RARB: variants seen among roughly 807,000 people sequenced by gnomAD.
RARB encodes HBV-activated protein.
In RARB, 17 loss-of-function variants were observed where a neutral mutation model predicts 51.9. The observed-to-expected ratio is 0.33, with a 90% CI of 0.22 to 0.49. The LOEUF is 0.49. Among genes scored for constraint, RARB ranks in the 20% least tolerant of loss-of-function variants. The probability of loss-of-function intolerance (pLI) is 0.99; values close to 1 mark genes in which losing one functional copy is unlikely to be tolerated. For missense variants in RARB, 369 were observed against 550.8 expected, an observed-to-expected ratio of 0.67 and a Z score of 3.30; for synonymous variants, 215 against 195.4, an observed-to-expected ratio of 1.10 and a Z score of -0.84.
intron 2 of RARB, among the ~76,000 whole-genome samples, chr3:25,496,971 G>A (rs944317400): frequency 3.9e-5 from 6 of 152,292 alleles, no homozygotes; most frequent in Admixed American, 3.9e-4. Flanking sequence ...TGCAACCTCT[G>A]CCTCCCGGGT....
chr3:25,200,903 T>C (rs965409198), intron 5 of RARB, among the ~76,000 whole-genome samples: 1 of 152,216 alleles, frequency 6.6e-6, no homozygotes, highest in African/African-American at 2.4e-5. Flanking sequence ...TCTTTTGGCT[T>C]AGGATTGACT....
At chr3:25,375,413 T>C (rs970390483) in intron 5 of RARB, among the ~76,000 whole-genome samples, 4 of 152,228 alleles carry the variant, frequency 2.6e-5, no homozygotes, top group African/African-American at 9.6e-5. Flanking sequence ...GCTACTGTTG[T>C]GTTAATATCA....
intron 5 of RARB, among the ~76,000 whole-genome samples, chr3:25,313,838 G>A (rs1704349421): frequency 6.6e-6 from 1 of 152,148 alleles, no homozygotes; most frequent in Non-Finnish European, 1.5e-5. Flanking sequence ...GGGAGGTCCA[G>A]GCAGAAAGAT....
chr3:25,149,711 C>T (rs1379425541), intron 4 of RARB, among the ~76,000 whole-genome samples: 1 of 152,178 alleles, frequency 6.6e-6, no homozygotes, highest in Non-Finnish European at 1.5e-5. Flanking sequence ...GTATAACGTA[C>T]CCTGTCTCTC....
chr3:25,303,577 T>C (rs560772386), intron 5 of RARB, among the ~76,000 whole-genome samples: 41 of 152,318 alleles, frequency 2.7e-4, no homozygotes, highest in African/African-American at 9.6e-4. Flanking sequence ...GCTGGGCAGA[T>C]ACCAGCAGAC....
chr3:25,099,559 C>G (rs911998520), intron 3 of RARB, among the ~76,000 whole-genome samples: 1 of 149,200 alleles, frequency 6.7e-6, no homozygotes, highest in Non-Finnish European at 1.5e-5. Context: ...ATACTATTAA[C>G]ATTGTTCCAT....
intron 5 of RARB, among the ~76,000 whole-genome samples, chr3:25,404,700 G>C (rs986830588): frequency 6.6e-6 from 1 of 152,136 alleles, no homozygotes; most frequent in African/African-American, 2.4e-5. Context: ...GCATGGCCTC[G>C]TATTTCAAGG....
intron 2 of RARB, among the ~76,000 whole-genome samples, chr3:24,898,021 G>C (rs1473661465): frequency 6.6e-6 from 1 of 152,144 alleles, no homozygotes; most frequent in Non-Finnish European, 1.5e-5. Flanking sequence ...ATGGAGGAAA[G>C]AAAGACTTTA....
chr3:25,565,213 A>C (rs903099749), intron 3 of RARB, among the ~76,000 whole-genome samples: 8 of 152,260 alleles, frequency 5.3e-5, no homozygotes, highest in African/African-American at 1.4e-4. Flanking sequence ...TGTATCACTC[A>C]CAGGATGCAT....
intron 2 of RARB, among the ~76,000 whole-genome samples, chr3:24,911,770 T>A (rs138514439): frequency 1.2e-3 from 185 of 152,246 alleles, no homozygotes; most frequent in African/African-American, 4.2e-3. Context: ...CTGGGAAACA[T>A]AGCAAGATCT....
intron 5 of RARB, among the ~76,000 whole-genome samples, chr3:25,362,089 T>C (rs1409731544): frequency 1.3e-5 from 2 of 152,144 alleles, no homozygotes; most frequent in African/African-American, 4.8e-5. Context: ...CAGCCGCCCC[T>C]TCCTCTAGGT....
chr3:25,344,775 G>GTCA (rs1480669744), intron 5 of RARB, among the ~76,000 whole-genome samples: 3 of 152,084 alleles, frequency 2.0e-5, no homozygotes, highest in Non-Finnish European at 4.4e-5. Flanking sequence ...GTAACTCCTG[G>GTCA]TCATTCTATA....
At chr3:25,573,163 G>A (rs1311028387) in intron 4 of RARB, among the ~76,000 whole-genome samples, 1 of 152,098 alleles carries the variant, frequency 6.6e-6, no homozygotes, top group African/African-American at 2.4e-5. Context: ...CCACAGTGAT[G>A]ATCTCCGCTG....
At chr3:25,123,706 C>G (rs1431174802) in intron 3 of RARB, among the ~76,000 whole-genome samples, 1 of 152,180 alleles carries the variant, frequency 6.6e-6, no homozygotes, top group African/African-American at 2.4e-5. Context: ...AGGAGCAGCT[C>G]ACACCCAGTA....
chr3:25,320,490 T>C (rs372310955), intron 5 of RARB, among the ~76,000 whole-genome samples: 1 of 152,200 alleles, frequency 6.6e-6, no homozygotes, highest in African/African-American at 2.4e-5. Flanking sequence ...GAGAGGCCTG[T>C]CTGCCCTGAC....
chr3:25,018,992 T>A (rs1208072546), intron 2 of RARB, among the ~76,000 whole-genome samples: 2 of 152,226 alleles, frequency 1.3e-5, no homozygotes. Context: ...ACATTTGTGA[T>A]TGGCTTGAAA....
intron 5 of RARB, among the ~76,000 whole-genome samples, chr3:25,247,159 G>C (rs748748055): frequency 7.2e-5 from 11 of 152,222 alleles, no homozygotes; most frequent in East Asian, 3.9e-4. Flanking sequence ...AGTAATGGCA[G>C]ATGCCCTTCC....
chr3:24,905,026 A>G (rs114621115), intron 2 of RARB, among the ~76,000 whole-genome samples: 3,604 of 152,280 alleles, frequency 0.024, 82 homozygotes, highest in Middle Eastern at 0.075. Context: ...TAGGAAAAAC[A>G]CGTCATGTAG....
At chr3:25,261,386 A>G (rs1193954453) in intron 5 of RARB, among the ~76,000 whole-genome samples, 1 of 151,774 alleles carries the variant, frequency 6.6e-6, no homozygotes, top group African/African-American at 2.4e-5. Context: ...CTCATTTCTC[A>G]CCCACCTTTT....
Sources: allele counts gnomAD v4.1 joint callset (sites outside exome capture counted in the v4.1 genomes callset), GRCh38; gene constraint gnomAD v4.1.1; transcripts MANE v1.5; gene names NCBI Gene and HGNC (gene_info 2026-07-23, HGNC 2026-07-21).